CPNE5: variants seen among roughly 807,000 people sequenced by gnomAD.
The protein encoded by CPNE5 is copine-5.
A neutral mutation model predicts 81.1 loss-of-function variants in CPNE5; 42 were observed. The observed-to-expected ratio is 0.52, with a 90% CI of 0.40 to 0.67. The LOEUF (loss-of-function observed/expected upper bound fraction) is 0.67. Ranked by LOEUF, CPNE5 falls within the 30% of genes least tolerant of loss-of-function variation. The pLI is 0.00. For synonymous variants in CPNE5, 313 were observed against 321.5 expected, an observed-to-expected ratio of 0.97 and a Z score of 0.28; for missense variants, 612 against 815.5, an observed-to-expected ratio of 0.75 and a Z score of 3.04.
chr6:36,799,028 C>T (rs1039222518), intron 4 of CPNE5, among the ~76,000 whole-genome samples: 2 of 152,176 alleles, frequency 1.3e-5, no homozygotes, highest in Non-Finnish European at 2.9e-5. Context: ...CAGCTGGCTG[C>T]AGGCAGCGTG....
rs114789464 is a variant in CPNE5 at position 36,758,422 on chromosome 6, T to A, written c.856-2124A>T. Reference sequence around the variant, plus strand: ...CTGCCACCATGTCTGGCTATTTTTTTTTTTTTGGTAGAGATAGGATCTCGC... The same window carrying A: ...CTGCCACCATGTCTGGCTATTTTTTATTTTTTGGTAGAGATAGGATCTCGC... On this transcript the variant is annotated intron_variant, in intron 12 of 20. Transcript: ENST00000244751. 6.6e-3 allele frequency among the ~76,000 whole-genome samples: 1,003 copies of A among 151,844 alleles called. 13 individuals carry two copies. The highest frequency in any genetic ancestry group is 0.022 in the African/African-American group (908 of 41,302).
chr6:36,756,682 C>T (rs1765506421), intron 12 of CPNE5, among the ~76,000 whole-genome samples: 1 of 152,194 alleles, frequency 6.6e-6, no homozygotes, highest in Non-Finnish European at 1.5e-5. Flanking sequence ...AAAAATGCAC[C>T]CCCTTCCTCT....
chr6:36,780,266 C>T (rs188549272), intron 8 of CPNE5, among the ~76,000 whole-genome samples: 2 of 152,152 alleles, frequency 1.3e-5, no homozygotes, highest in Admixed American at 6.5e-5. Context: ...CCTGGCCCCC[C>T]CTTCCTCTTA....
intron 8 of CPNE5, among the ~76,000 whole-genome samples, chr6:36,780,587 C>T (rs561092179): frequency 2.6e-4 from 39 of 152,282 alleles, no homozygotes; most frequent in African/African-American, 9.1e-4. Flanking sequence ...AGGAGTACAG[C>T]GCTGTGTGCG....
Position 36,744,292 on chromosome 6 carries a change from C to A in CPNE5, c.1465G>T (p.Gly489Cys). The A allele has an allele frequency of 6.3e-7, 1 of 1,583,808 alleles. No homozygotes were observed. The change falls in exon 19 of 21, where the codon GGC becomes TGC. Residue 489 changes from glycine to cysteine, a missense_variant. Physicochemically the swap from Gly to Cys is radical, Grantham distance 159 (BLOSUM62 -3). Transcript: ENST00000244751. ...AKLPMSIIIV[G>C]VGQAEFDAMV... ...CCGTCGAACTCTGCCTGGCCCACGC[C>A]GACGATAATGATGGACATGGGGAGC... is the stretch of plus-strand genomic sequence containing the variant.
intron 6 of CPNE5, 76 bp downstream of exon 6, chr6:36,798,089 T>C: frequency 1.8e-6 from 2 of 1,134,280 alleles, no homozygotes; most frequent in Non-Finnish European, 2.6e-6. Flanking sequence ...GACTGCTTTG[T>C]CCCCATCCTG....
chr6:36,743,674 A>C lies in CPNE5; in HGVS notation c.1563+15T>G, dbSNP rs745322350. 2.5e-6 allele frequency: 4 copies of C among 1,612,390 alleles called. No individual in the cohort carries two copies. On this transcript the variant is annotated intron_variant, in intron 20 of 20. Coordinates refer to ENST00000244751, the MANE Select transcript of CPNE5 (RefSeq NM_020939.2). ...TCTTGAATTTCCCATGGGGCAGGCA[A>C]GGCCTGGGCTTCACCTGGACGATGT...
intron 1 of CPNE5, chr6:36,827,466 A>T (rs1772600138): frequency 1.0e-6 from 1 of 985,390 alleles, no homozygotes; most frequent in Non-Finnish European, 1.2e-6. Flanking sequence ...GCAGGGCTCC[A>T]GAGGCCATGT....
intron 3 of CPNE5, among the ~76,000 whole-genome samples, chr6:36,815,201 G>T (rs763645676): frequency 6.6e-6 from 1 of 151,472 alleles, no homozygotes. Context: ...AACAGTGTCT[G>T]CACATTGCTG....
At chr6:36,754,952 A>C (rs1765262894) in intron 13 of CPNE5, 3 of 152,206 alleles carry the variant, frequency 2.0e-5, no homozygotes, top group Admixed American at 2.0e-4. Context: ...CAGCCTCTCC[A>C]CTAAGAAACA....
chr6:36,773,504 C>A (rs1462579873), intron 10 of CPNE5, among the ~76,000 whole-genome samples: 1 of 152,240 alleles, frequency 6.6e-6, no homozygotes, highest in Admixed American at 6.5e-5. Flanking sequence ...GTGAAGACTG[C>A]ACCCTGCTGA....
chr6:36,790,071 G>C (rs190449278), intron 8 of CPNE5, among the ~76,000 whole-genome samples: 1 of 152,272 alleles, frequency 6.6e-6, no homozygotes, highest in East Asian at 1.9e-4. Flanking sequence ...AAACTGCCAA[G>C]TTTCAAATCT....
At chr6:36,760,052 C>CAA (rs773932389) in intron 12 of CPNE5, among the ~76,000 whole-genome samples, 38 of 124,098 alleles carry the variant, frequency 3.1e-4, no homozygotes, top group Admixed American at 4.8e-4. Context: ...ACCAAAAATG[C>CAA]AAAAAAAAAA....
At chr6:36,782,043 C>A (rs1582865660) in intron 8 of CPNE5, among the ~76,000 whole-genome samples, 1 of 152,148 alleles carries the variant, frequency 6.6e-6, no homozygotes, top group Non-Finnish European at 1.5e-5. Flanking sequence ...AATGGGATGA[C>A]CACCACAATC....
chr6:36,786,885 T>C (rs72856422), intron 8 of CPNE5, among the ~76,000 whole-genome samples: 32,099 of 152,140 alleles, frequency 0.21, 4,094 homozygotes, highest in East Asian at 0.34. Flanking sequence ...ATGCTGTTTA[T>C]ATTTTTCTGT....
intron 12 of CPNE5, among the ~76,000 whole-genome samples, chr6:36,758,188 A>G (rs773339580): frequency 2.6e-5 from 4 of 152,178 alleles, no homozygotes; most frequent in Admixed American, 6.5e-5. Flanking sequence ...AATAAGAAGT[A>G]CCTGCCTCCC....
At chr6:36,804,574 A>G (rs1433362610) in intron 3 of CPNE5, among the ~76,000 whole-genome samples, 1 of 152,044 alleles carries the variant, frequency 6.6e-6, no homozygotes, top group East Asian at 1.9e-4. Context: ...TCCTCCTTCA[A>G]CAACCTCACA....
At chr6:36,786,782 A>G (rs186310623) in intron 8 of CPNE5, among the ~76,000 whole-genome samples, 208 of 152,368 alleles carry the variant, frequency 1.4e-3, no homozygotes, top group Admixed American at 6.5e-3. Context: ...TATATCAATT[A>G]TAAGAAAAAT....
At chr6:36,782,866 C>CAA (rs1376946343) in intron 8 of CPNE5, among the ~76,000 whole-genome samples, 1 of 143,466 alleles carries the variant, frequency 7.0e-6, no homozygotes, top group African/African-American at 2.6e-5. Context: ...CACACACACA[C>CAA]ACAAAACGGC....
Sources: allele counts gnomAD v4.1 joint callset (sites outside exome capture counted in the v4.1 genomes callset), GRCh38; gene constraint gnomAD v4.1.1; transcripts MANE v1.5; gene names NCBI Gene and HGNC (gene_info 2026-07-23, HGNC 2026-07-21).